The following GIPR variants were observed in gnomAD, a reference collection of about 807,000 sequenced individuals.
The protein encoded by GIPR is gastric inhibitory polypeptide receptor, also known as GIP-R.
GIPR carries 74 observed loss-of-function variants against 62.2 expected under a neutral mutation model. That is an observed-to-expected ratio of 1.19 (90% confidence interval 0.99 to 1.44). The LOEUF (loss-of-function observed/expected upper bound fraction) is 1.44. GIPR is among the 40% of genes most tolerant of loss of function. The pLI is 0.00. For missense variants in GIPR, 664 were observed against 611.8 expected (o/e 1.09, Z -0.90); for synonymous variants, 256 against 262.2 (o/e 0.98, Z 0.23).
At chr19:45,673,871 A>G (rs1306834579) in intron 5 of GIPR, among the ~76,000 whole-genome samples, 2 of 152,024 alleles carry the variant, frequency 1.3e-5, no homozygotes, top group Non-Finnish European at 2.9e-5. Flanking sequence ...CTCAAAAAAA[A>G]AAAAATCTCT....
At position 45,678,158 on chromosome 19, in the gene GIPR, G is replaced by T. The variant is rs757704281; in HGVS notation, c.1084G>T (p.Glu362Ter). Reference sequence around the variant, plus strand: ...CGAGGTGGTGTTTGCTCCCGTGACAGAGGAACAGGCCCGGGGCGCCCTGCG... The same window carrying T: ...CGAGGTGGTGTTTGCTCCCGTGACATAGGAACAGGCCCGGGGCGCCCTGCG... Reference protein sequence around the residue: ...VHEVVFAPVTEEQARGALRFA... With the variant: ...VHEVVFAPVT The change falls in exon 12 of 14, where the codon GAG (glutamate) becomes TAG (stop). Residue 362 changes from glutamate to a stop codon, truncating the protein, a stop_gained. Coordinates refer to ENST00000590918, the MANE Select transcript of GIPR (RefSeq NM_000164.4). LOFTEE classifies it high-confidence loss of function. 3 of 1,608,990 alleles carry T rather than the reference G, an allele frequency of 1.9e-6. No individual in the cohort carries two copies. In the Admixed American group the frequency reaches 5.1e-5, roughly 27 times the overall value.
At chr19:45,681,465 C>T (rs1394813867) in intron 12 of GIPR, 139 bp from the exon 13 acceptor site, 1 of 803,148 alleles carries the variant, frequency 1.2e-6, no homozygotes, top group Non-Finnish European at 2.1e-6. Context: ...ACTGCACTCC[C>T]GCCTGGGCAA....
At chr19:45,673,963 G>C in intron 5 of GIPR, 111 bp from the exon 6 acceptor site, 5 of 785,116 alleles carry the variant, frequency 6.4e-6, no homozygotes, top group Admixed American at 1.7e-5. Flanking sequence ...AGTTCCCCAA[G>C]ATAAAATAGG....
chr19:45,670,398 T>G (rs1371269181), intron 2 of GIPR: 11 of 451,808 alleles, frequency 2.4e-5, no homozygotes, highest in Non-Finnish European at 4.4e-5. Context: ...CCTGATAATT[T>G]CCAGCCACCC....
At position 45,681,729 on chromosome 19, in the gene GIPR, G is replaced by C. The variant is rs764159693; in HGVS notation, c.1195G>C (p.Val399Leu). The change falls in exon 14 of 14, where the codon GTG becomes CTG. Residue 399 changes from valine to leucine, a missense_variant and splice_region_variant. Transcript: ENST00000590918. ...GCCTCTGAGCGCCATCGTCTCACAG[G>C]TGCAGTCGGAGATCCGCCGTGGCTG... ...SVLYCFINKE[V>L]QSEIRRGWHH... The C allele has an allele frequency of 1.2e-6, 2 of 1,611,340 alleles. No homozygotes were observed. Among genetic ancestry groups the C allele is most frequent in the Non-Finnish European group, 1.7e-6 (2 of 1,178,642 alleles).
intron 5 of GIPR, among the ~76,000 whole-genome samples, chr19:45,673,735 GC>G (rs1299233973): frequency 6.6e-6 from 1 of 152,122 alleles, no homozygotes; most frequent in African/African-American, 2.4e-5. Flanking sequence ...ATGGTGGCAC[GC>G]ACCTGTAGTT....
rs1568516743 is a variant in GIPR, at chr19:45,670,670, C to T, written c.108C>T (p.Tyr36=). 6.2e-7 allele frequency: 1 copy of T among 1,613,468 alleles called. No homozygotes were observed. The highest frequency in any genetic ancestry group is 2.2e-5 in the East Asian group (1 of 44,868). Residue 36 remains tyrosine (Y), a synonymous_variant, in exon 3 of 14, where the codon TAC becomes TAT. Coordinates refer to ENST00000590918, the MANE Select transcript of GIPR (RefSeq NM_000164.4). ...AGGGGCAGACGGCGGGGGAGCTGTA[C>T]CAGCGCTGGGAACGGTACCGCAGGG... The part of the protein sequence containing the change: ...GSKGQTAGEL[Y]QRWERYRREC...
intron 12 of GIPR, 62 bp downstream of exon 12, chr19:45,678,288 C>T (rs1194706430): frequency 7.2e-6 from 11 of 1,524,364 alleles, no homozygotes; most frequent in Non-Finnish European, 8.8e-6. Context: ...CAGAGGGGCA[C>T]GAAAGCTACA....
intron 6 of GIPR, 196 bp downstream of exon 6, chr19:45,674,373 C>G: frequency 1.5e-6 from 1 of 668,396 alleles, no homozygotes; most frequent in South Asian, 1.6e-5. Context: ...TTTGGGATGC[C>G]AAGGCAGGAG....
chr19:45,668,647 C>T (rs1368302315), intron 1 of GIPR, among the ~76,000 whole-genome samples: 2 of 152,150 alleles, frequency 1.3e-5, no homozygotes, highest in Non-Finnish European at 2.9e-5. Context: ...ACATTTCTGT[C>T]TCTTGTGTCT....
intron 1 of GIPR, among the ~76,000 whole-genome samples, chr19:45,669,115 C>T (rs1975402167): frequency 1.1e-5 from 1 of 94,146 alleles, no homozygotes; most frequent in Non-Finnish European, 2.1e-5. Context: ...CCCCGGGTTC[C>T]CAGGAGTCTG....
intron 2 of GIPR, among the ~76,000 whole-genome samples, chr19:45,670,024 G>T (rs1975454675): frequency 6.6e-6 from 1 of 151,752 alleles, no homozygotes; most frequent in East Asian, 2.0e-4. Context: ...TCAAGTTGTT[G>T]GGTGGTGGTT....
chr19:45,671,451 C>T, intron 4 of GIPR, 59 bp downstream of exon 4: 2 of 1,026,294 alleles, frequency 1.9e-6, no homozygotes, highest in Non-Finnish European at 3.1e-6. Context: ...TAACCTTTGC[C>T]CCCAGACACC....
Position 45,678,113 on chromosome 19 carries a change from G to T in GIPR, c.1039G>T (p.Val347Leu). The change falls in exon 12 of 14, where the codon GTG (valine) becomes TTG (leucine). Residue 347 changes from valine (V) to leucine (L), a missense_variant. By Grantham distance (32) the Val-to-Leu change is conservative. Coordinates refer to ENST00000590918, the MANE Select transcript of GIPR (RefSeq NM_000164.4). ...LRLARSTLTLVPLLGVHEVVF... is the reference protein window; with the variant it reads ...LRLARSTLTLLPLLGVHEVVF... ...GCTGGCTCGCTCCACGCTGACGCTG[G>T]TGCCCCTGCTGGGTGTCCACGAGGT... 6.2e-7 allele frequency: 1 copy of T among 1,612,890 alleles called. No homozygotes were observed.
In GIPR at chr19:45,674,160, C is replaced by T. The variant is rs773740055; in HGVS notation, c.471C>T (p.Leu157=). The T allele has an allele frequency of 3.7e-6, 6 of 1,612,196 alleles. No individual in the cohort carries two copies. The Admixed American group carries it at 6.7e-5, about 18-fold the overall frequency. ...LSLATLLLAL[L]ILSLFRRLHC... is the part of the protein sequence containing the mutation. ...TCGCCACACTGCTGCTAGCCCTGCTCATCTTGAGTTTGTTCAGGTGGGACC... is the reference window on the plus strand; with the variant it reads ...TCGCCACACTGCTGCTAGCCCTGCTTATCTTGAGTTTGTTCAGGTGGGACC... The change falls in exon 6 of 14, where the codon CTC becomes CTT. Residue 157 remains leucine, a synonymous_variant. Coordinates refer to ENST00000590918, the MANE Select transcript of GIPR (RefSeq NM_000164.4).
intron 9 of GIPR, 22 bp downstream of exon 9, chr19:45,677,405 GGGGCGTGGGAGGTGGGC>G: frequency 1.3e-6 from 2 of 1,486,492 alleles, no homozygotes. Context: ...GGTCTGGGGC[GGGGCGTGGGAGGTGGGC>G]GGGGCTTTGA....
At chr19:45,681,481 G>T (rs1420574459) in intron 12 of GIPR, 123 bp from the exon 13 acceptor site, 1 of 879,234 alleles carries the variant, frequency 1.1e-6, no homozygotes, top group East Asian at 2.6e-5. Context: ...GGCAACAAGA[G>T]CAATATTCCG....
In GIPR at chr19:45,677,725, C is replaced by T. The variant is rs1431587256; in HGVS notation, c.870C>T (p.Asn290=). The T allele has an allele frequency of 6.2e-7, 1 of 1,613,128 alleles. No individual in the cohort carries two copies. Among genetic ancestry groups the T allele is most frequent in the South Asian group, 1.1e-5 (1 of 91,064 alleles). The part of the protein sequence containing the change: ...LYENTQCWER[N]EVKAIWWIIR... ...CCTTCCCCAGGTGCTGGGAGCGCAA[C>T]GAAGTCAAGGCCATTTGGTGGATTA... Residue 290 remains asparagine (N), a synonymous_variant, in exon 10 of 14, where the codon AAC becomes AAT. Coordinates refer to ENST00000590918, the MANE Select transcript of GIPR (RefSeq NM_000164.4).
intron 12 of GIPR, among the ~76,000 whole-genome samples, chr19:45,680,109 G>A (rs945498554): frequency 1.3e-5 from 2 of 152,124 alleles, no homozygotes; most frequent in Non-Finnish European, 2.9e-5. Context: ...ATTAGCTGCC[G>A]GGCGCGGTGC....
Sources: gnomAD v4.1 joint callset for allele counts (sites outside exome capture counted in the v4.1 genomes callset) on GRCh38, gnomAD v4.1.1 for gene constraint, MANE v1.5 for transcripts, NCBI Gene and HGNC (gene_info 2026-07-23, HGNC 2026-07-21) for gene names.